The following PTPRR variants were observed in gnomAD, a reference collection of about 807,000 sequenced individuals.
PTPRR encodes protein tyrosine phosphatase receptor type R, also known as receptor-type tyrosine-protein phosphatase R.
In PTPRR, 38 loss-of-function variants were observed where a neutral mutation model predicts 77.2. The ratio of observed to expected loss-of-function variants is 0.49; its 90% CI spans 0.38 to 0.65. PTPRR has a LOEUF of 0.65. PTPRR is among the 30% of genes least tolerant of loss of function. PTPRR has a pLI of 0.00. For missense variants in PTPRR, 744 were observed against 799.2 expected, an observed-to-expected ratio of 0.93 and a Z score of 0.83; for synonymous variants, 299 against 283.1, an observed-to-expected ratio of 1.06 and a Z score of -0.57.
rs764441619 is a variant in PTPRR at position 70,701,176 on chromosome 12, G to A, written c.1155C>T (p.Asp385=). The change falls in exon 7 of 14, where the codon GAC becomes GAT. Residue 385 remains aspartate (D), a synonymous_variant. Transcript: ENST00000283228. The part of the protein sequence containing the change: ...SRILTRSQLR[D]VVASSHLLQS... ...GGAGTAAATGTGAACTTGCCACGAC[G>A]TCCCTCAGCTGAGACCTTGTGAGAA... The A allele has an allele frequency of 1.2e-5, 20 of 1,613,754 alleles. No homozygotes were observed. Among genetic ancestry groups the A allele is most frequent in the South Asian group, 1.1e-4 (10 of 91,072 alleles).
intron 2 of PTPRR, among the ~76,000 whole-genome samples, chr12:70,818,309 A>C (rs572821182): frequency 6.6e-6 from 1 of 152,036 alleles, no homozygotes; most frequent in African/African-American, 2.4e-5. Context: ...CTCTCTCTCT[A>C]TCTATCATCT....
rs1197654077 is a variant in PTPRR, at chr12:70,673,046, A to G, written c.1498-10441T>C. On this transcript the variant is annotated intron_variant, in intron 10 of 13. Coordinates refer to ENST00000283228, the MANE Select transcript of PTPRR (RefSeq NM_002849.4). ...CGGGCCAAAGCAAAAAAAAAAAAAA[A>G]AAAGAAAGAAAGAAAGAAATATATA... 8.3e-4 allele frequency: 702 copies of G among 844,038 alleles called. 2 individuals are homozygous for G. The highest frequency in any genetic ancestry group is 1.7e-3 in the South Asian group (65 of 37,912). 52.3% of individuals were successfully genotyped at this position (844,038 alleles called of 1,614,324 possible).
intron 1 of PTPRR, among the ~76,000 whole-genome samples, chr12:70,900,501 C>T (rs1893513508): frequency 6.6e-6 from 1 of 151,448 alleles, no homozygotes; most frequent in East Asian, 1.9e-4. Flanking sequence ...AAAGCACAGG[C>T]AACTGAAGCA....
At chr12:70,767,470 C>G (rs1029627537) in intron 2 of PTPRR, among the ~76,000 whole-genome samples, 1 of 151,608 alleles carries the variant, frequency 6.6e-6, no homozygotes, top group Non-Finnish European at 1.5e-5. Flanking sequence ...GCTAACTATC[C>G]TAAATATATA....
intron 1 of PTPRR, among the ~76,000 whole-genome samples, chr12:70,906,502 G>C (rs1374362349): frequency 6.6e-6 from 1 of 151,972 alleles, no homozygotes; most frequent in East Asian, 1.9e-4. Context: ...GAGATAACCA[G>C]AATACTAATC....
At chr12:70,874,371 G>A (rs938057365) in intron 2 of PTPRR, among the ~76,000 whole-genome samples, 1 of 152,118 alleles carries the variant, frequency 6.6e-6, no homozygotes, top group Non-Finnish European at 1.5e-5. Context: ...AGAGAGTCAG[G>A]AAACTCACAA....
intron 10 of PTPRR, among the ~76,000 whole-genome samples, chr12:70,682,660 A>G (rs964259108): frequency 6.6e-6 from 1 of 152,130 alleles, no homozygotes; most frequent in African/African-American, 2.4e-5. Flanking sequence ...GCACAAATGT[A>G]CACATACAGA....
chr12:70,826,624 G>A (rs1033404284), intron 2 of PTPRR, among the ~76,000 whole-genome samples: 1 of 152,184 alleles, frequency 6.6e-6, no homozygotes, highest in African/African-American at 2.4e-5. Context: ...CTAGAAGCAC[G>A]TGTAAACTTG....
Position 70,904,092 on chromosome 12 carries a change from G to A in PTPRR, c.59-11115C>T, listed in dbSNP as rs151207058. On this transcript the variant is annotated intron_variant, in intron 1 of 13. Coordinates refer to ENST00000283228, the MANE Select transcript of PTPRR (RefSeq NM_002849.4). ...TGGAGAGGATCTGGAGCAACTGGAAGTCTCAGACCTTGCAGGTGAGAATGC... is the reference window on the plus strand; with the variant it reads ...TGGAGAGGATCTGGAGCAACTGGAAATCTCAGACCTTGCAGGTGAGAATGC... 1.3e-3 allele frequency among the ~76,000 whole-genome samples: 204 copies of A among 151,990 alleles called. 1 individual carries two copies. Among genetic ancestry groups the A allele is most frequent in the African/African-American group, 4.7e-3 (196 of 41,518 alleles).
intron 6 of PTPRR, among the ~76,000 whole-genome samples, chr12:70,720,106 T>C (rs1889190638): frequency 6.6e-6 from 1 of 152,154 alleles, no homozygotes; most frequent in African/African-American, 2.4e-5. Context: ...ATTCCTCCAC[T>C]GAAAAAATTT....
chr12:70,759,988 A>G (rs892926200), intron 4 of PTPRR, among the ~76,000 whole-genome samples: 8 of 152,178 alleles, frequency 5.3e-5, no homozygotes, highest in Admixed American at 6.5e-5. Flanking sequence ...AAGAAAACAC[A>G]TTGGGTATGT....
At chr12:70,743,845 T>C (rs960621248) in intron 6 of PTPRR, among the ~76,000 whole-genome samples, 1 of 152,176 alleles carries the variant, frequency 6.6e-6, no homozygotes, top group Admixed American at 6.5e-5. Flanking sequence ...GACCAACATG[T>C]CCAGCAGTGG....
chr12:70,655,191 C>T (rs187836983), intron 13 of PTPRR, among the ~76,000 whole-genome samples: 189 of 152,302 alleles, frequency 1.2e-3, no homozygotes, highest in African/African-American at 4.4e-3. Flanking sequence ...AATGACTCTT[C>T]CATCTCACCC....
chr12:70,764,728 G>A lies in PTPRR; in HGVS notation c.408C>T (p.Phe136=). 6.2e-7 allele frequency: 1 copy of A among 1,614,174 alleles called. No homozygotes were observed. Among genetic ancestry groups the A allele is most frequent in the Non-Finnish European group, 8.5e-7 (1 of 1,180,014 alleles). ...NKLNITLLRI[F]RQGVAAALGL... is the part of the protein sequence containing the mutation. ...CTAAAGCTGCAGCCACTCCTTGGCG[G>A]AAGATCCGAAGCAAGGTTATGTTCA... Residue 136 remains phenylalanine, a synonymous_variant, in exon 3 of 14, where the codon TTC becomes TTT. Transcript: ENST00000283228.
intron 2 of PTPRR, among the ~76,000 whole-genome samples, chr12:70,788,518 G>A (rs1248811893): frequency 6.6e-6 from 1 of 152,140 alleles, no homozygotes; most frequent in African/African-American, 2.4e-5. Context: ...TTTGAGTTCT[G>A]TTCAAGTGAA....
chr12:70,762,910 T>A (rs1362617247), intron 3 of PTPRR, among the ~76,000 whole-genome samples: 1 of 152,304 alleles, frequency 6.6e-6, no homozygotes, highest in East Asian at 1.9e-4. Flanking sequence ...TCTCTGAGGA[T>A]ATGATAAGCA....
At chr12:70,859,507 T>C (rs1252968810) in intron 2 of PTPRR, among the ~76,000 whole-genome samples, 1 of 152,034 alleles carries the variant, frequency 6.6e-6, no homozygotes, top group Non-Finnish European at 1.5e-5. Context: ...TTGAAGATTC[T>C]CAGGGAGGGG....
At chr12:70,870,519 C>T (rs977430368) in intron 2 of PTPRR, among the ~76,000 whole-genome samples, 2 of 152,288 alleles carry the variant, frequency 1.3e-5, no homozygotes, top group African/African-American at 2.4e-5. Flanking sequence ...GGAATGACAA[C>T]AAAAATCTTT....
At chr12:70,687,020 T>A (rs1382127005) in intron 8 of PTPRR, among the ~76,000 whole-genome samples, 1 of 152,174 alleles carries the variant, frequency 6.6e-6, no homozygotes, top group Non-Finnish European at 1.5e-5. Flanking sequence ...ATTGCACTCA[T>A]TGTTGACTCC....
Sources: allele counts gnomAD v4.1 joint callset (sites outside exome capture counted in the v4.1 genomes callset), GRCh38; gene constraint gnomAD v4.1.1; transcripts MANE v1.5; gene names NCBI Gene and HGNC (gene_info 2026-07-23, HGNC 2026-07-21).